The following CABYR variants were observed in gnomAD, a reference collection of about 807,000 sequenced individuals.
CABYR encodes calcium-binding tyrosine phosphorylation-regulated protein.
CABYR carries 31 observed loss-of-function variants against 36.1 expected under a neutral mutation model. The observed-to-expected ratio is 0.86, with a 90% CI of 0.64 to 1.16. CABYR has a LOEUF of 1.16. Ranked by LOEUF, CABYR falls within the 50% of genes most tolerant of loss-of-function variation. The probability of loss-of-function intolerance (pLI) is 0.00; values close to 1 mark genes in which losing one functional copy is unlikely to be tolerated. For missense variants in CABYR, 429 were observed against 455.8 expected (o/e 0.94, Z 0.53); for synonymous variants, 146 against 160.7 (o/e 0.91, Z 0.69).
At chr18:24,158,695 C>T (rs545495968) in intron 4 of CABYR, among the ~76,000 whole-genome samples, 23 of 152,198 alleles carry the variant, frequency 1.5e-4, no homozygotes, top group African/African-American at 2.2e-4. Context: ...AAGGTAAACT[C>T]GGCACATTTG....
intron 1 of CABYR, among the ~76,000 whole-genome samples, chr18:24,142,469 A>T (rs916283106): frequency 3.3e-5 from 5 of 152,240 alleles, no homozygotes; most frequent in African/African-American, 1.2e-4. Flanking sequence ...TTAGAAACAG[A>T]TACATGAAAT....
chr18:24,156,122 G>A (rs749232219), intron 4 of CABYR, 80 bp downstream of exon 4: 40 of 1,614,060 alleles, frequency 2.5e-5, no homozygotes, highest in Middle Eastern at 1.6e-4. Flanking sequence ...TTGTTATCAA[G>A]GAGGTGCCAA....
intron 5 of CABYR, 104 bp from the exon 6 acceptor site, chr18:24,161,412 C>A: frequency 1.4e-6 from 1 of 697,500 alleles, no homozygotes; most frequent in East Asian, 2.6e-5. Flanking sequence ...AGCTTAGTAA[C>A]AGAGCAGGAG....
At chr18:24,156,426 A>G in intron 4 of CABYR, 3 of 1,614,214 alleles carry the variant, frequency 1.9e-6, no homozygotes, top group Non-Finnish European at 2.5e-6. Flanking sequence ...AGTTGTTTAT[A>G]TCGAGCAACT....
chr18:24,155,680 C>A, intron 3 of CABYR, 21 bp from the exon 4 acceptor site: 1 of 1,504,720 alleles, frequency 6.6e-7, no homozygotes, highest in South Asian at 1.3e-5. Context: ...TTAATTAACC[C>A]ATCTGGTTGT....
intron 3 of CABYR, among the ~76,000 whole-genome samples, chr18:24,150,000 C>G (rs897191036): frequency 5.9e-5 from 9 of 152,262 alleles, no homozygotes; most frequent in Non-Finnish European, 1.2e-4. Context: ...AAAGGGGCTC[C>G]CACAGTGCAG....
Position 24,159,387 on chromosome 18 carries a change from T to A in CABYR, c.542-85T>A, listed in dbSNP as rs774275725. ...CATATCACTACAGCTGTTTTATATGTAAAAGAGACTTACAAAGACATTACT... is the reference window on the plus strand; with the variant it reads ...CATATCACTACAGCTGTTTTATATGAAAAAGAGACTTACAAAGACATTACT... On this transcript the variant is annotated intron_variant, in intron 4 of 5. Coordinates refer to ENST00000399496, the MANE Select transcript of CABYR (RefSeq NM_153769.3). The A allele has an allele frequency of 2.4e-5, 22 of 916,998 alleles. 1 individual carries two copies. The highest frequency in any genetic ancestry group is 3.6e-5 in the Non-Finnish European group (21 of 580,010). The allele number at this position is 916,998 out of a possible 1,614,324, so 56.8% of individuals were successfully genotyped here.
chr18:24,153,408 T>C (rs2085688953), intron 3 of CABYR, among the ~76,000 whole-genome samples: 1 of 152,220 alleles, frequency 6.6e-6, no homozygotes, highest in Admixed American at 6.5e-5. Flanking sequence ...GTGAGGCACG[T>C]GGAAAAGTGT....
chr18:24,142,614 C>T (rs935935592), intron 1 of CABYR, among the ~76,000 whole-genome samples: 2 of 149,500 alleles, frequency 1.3e-5, no homozygotes, highest in African/African-American at 4.9e-5. Flanking sequence ...CTCATCTGCA[C>T]ATAGTAGGCT....
intron 3 of CABYR, among the ~76,000 whole-genome samples, chr18:24,147,457 A>G (rs1599377819): frequency 6.6e-6 from 1 of 152,328 alleles, no homozygotes; most frequent in South Asian, 2.1e-4. Context: ...TTTGTACTGT[A>G]GGTTCTAATC....
rs991521542 is a variant in CABYR at position 24,154,539 on chromosome 18, A to G, written c.200-1162A>G. Among the ~76,000 whole-genome samples, 8 of 152,236 alleles carry G rather than the reference A, an allele frequency of 5.3e-5. No individual in the cohort carries two copies. In the South Asian group the frequency reaches 1.2e-3, roughly 24 times the overall value. On this transcript the variant is annotated intron_variant, in intron 3 of 5. Coordinates refer to ENST00000399496, the MANE Select transcript of CABYR (RefSeq NM_153769.3). ...TGAATTTATAAAACATCAGCAGCCA[A>G]TGTCAAAGGAGACACTGCAGGACAC...
intron 3 of CABYR, among the ~76,000 whole-genome samples, chr18:24,144,601 T>TAAA (rs1555780929): frequency 6.6e-6 from 1 of 152,066 alleles, no homozygotes; most frequent in Non-Finnish European, 1.5e-5. Context: ...CCCCCATCTC[T>TAAA]AAACAAACAA....
rs758061417 is a variant in CABYR at position 24,156,368 on chromosome 18, A to T, written c.541+326A>T. ...TGCAGGCTGATATTGAGGTTATGTC[A>T]ACTGTTCATATATCATCTGTCTATA... is the stretch of plus-strand genomic sequence containing the variant. On this transcript the variant is annotated intron_variant, in intron 4 of 5. Transcript: ENST00000399496. 1.6e-5 allele frequency: 26 copies of T among 1,614,092 alleles called. No homozygotes were observed. In the Middle Eastern group the frequency reaches 4.9e-4, roughly 31 times the overall value.
Position 24,153,437 on chromosome 18 carries a change from T to A in CABYR, c.200-2264T>A, listed in dbSNP as rs184013009. ...AAAGTGTTTGCTAATGAGTGCGAAT[T>A]CTCCTTGGGTCTGGAGTCCCAGGTA... On this transcript the variant is annotated intron_variant, in intron 3 of 5. Transcript: ENST00000399496. Among the ~76,000 whole-genome samples, 618 of 152,248 alleles carry A rather than the reference T, an allele frequency of 4.1e-3. 5 individuals carry two copies. The highest frequency in any genetic ancestry group is 0.013 in the African/African-American group (530 of 41,540).
At chr18:24,148,004 T>G (rs1201493405) in intron 3 of CABYR, among the ~76,000 whole-genome samples, 1 of 152,226 alleles carries the variant, frequency 6.6e-6, no homozygotes, top group East Asian at 1.9e-4. Flanking sequence ...ACATGTCCCC[T>G]CATGCTACTG....
At position 24,156,778 on chromosome 18, in the gene CABYR, T is replaced by C. The variant is rs142770673; in HGVS notation, c.541+736T>C. 7.4e-6 allele frequency: 12 copies of C among 1,614,082 alleles called. No individual in the cohort carries two copies. In the East Asian group the frequency reaches 8.9e-5, roughly 12 times the overall value. ...CACCTTGAAGTGGAGATCACTTCAA[T>C]AGTCTCTGACAATACTGGGCAGGAG... On this transcript the variant is annotated intron_variant, in intron 4 of 5. Coordinates refer to ENST00000399496, the MANE Select transcript of CABYR (RefSeq NM_153769.3).
intron 4 of CABYR, chr18:24,156,762 G>A: frequency 6.2e-7 from 1 of 1,614,208 alleles, no homozygotes; most frequent in Non-Finnish European, 8.5e-7. Context: ...GCACCTTGAA[G>A]TGGAGATCAC....
chr18:24,151,782 C>T (rs1346915394), intron 3 of CABYR, among the ~76,000 whole-genome samples: 3 of 151,694 alleles, frequency 2.0e-5, no homozygotes, highest in East Asian at 3.9e-4. Flanking sequence ...CTCTACCTCC[C>T]GGGCTCAAGC....
intron 3 of CABYR, among the ~76,000 whole-genome samples, chr18:24,145,826 GGT>G (rs755461463): frequency 3.3e-5 from 5 of 152,072 alleles, no homozygotes; most frequent in Non-Finnish European, 7.4e-5. Flanking sequence ...TGTACTTTGA[GGT>G]ATACGTAGTG....
Sources: gnomAD v4.1 joint callset for allele counts (sites outside exome capture counted in the v4.1 genomes callset) on GRCh38, gnomAD v4.1.1 for gene constraint, MANE v1.5 for transcripts, NCBI Gene and HGNC (gene_info 2026-07-23, HGNC 2026-07-21) for gene names.